The following CUL1 variants were observed in gnomAD, a reference collection of about 807,000 sequenced individuals.
The protein encoded by CUL1 is cullin-1.
In CUL1, 24 loss-of-function variants were observed where a neutral mutation model predicts 118.0. That is an observed-to-expected ratio of 0.20 (90% confidence interval 0.15 to 0.29). CUL1 has a LOEUF of 0.29. Among genes scored for constraint, CUL1 ranks in the 10% least tolerant of loss-of-function variants. The probability of loss-of-function intolerance (pLI) is 1.00; values close to 1 mark genes in which losing one functional copy is unlikely to be tolerated. For missense variants in CUL1, 361 were observed against 933.8 expected, an observed-to-expected ratio of 0.39 and a Z score of 7.99; for synonymous variants, 332 against 340.4, an observed-to-expected ratio of 0.98 and a Z score of 0.27.
In CUL1 at chr7:148,786,729, TA is replaced by T. The variant is rs1182990745; in HGVS notation, c.1347+131del. ...TGATTTTATTTTGAATCTCTGGTTTTACTTCCTAAATTGAGTTACTACTTTT... is the reference window on the plus strand; with the variant it reads ...TGATTTTATTTTGAATCTCTGGTTTTCTTCCTAAATTGAGTTACTACTTTT... On this transcript the variant is annotated intron_variant, in intron 12 of 21. Transcript: ENST00000325222. 7.9e-6 allele frequency: 7 copies of T among 880,878 alleles called. No homozygotes were observed. The African/African-American group carries it at 1.2e-4, about 15-fold the overall frequency. The allele number at this position is 880,878 out of a possible 1,614,324, so 54.6% of individuals were successfully genotyped here. A position where few individuals can be genotyped will look rare whatever the true frequency, so the allele number is the denominator to read the frequency against.
intron 2 of CUL1, among the ~76,000 whole-genome samples, chr7:148,745,870 C>T (rs1022128275): frequency 2.6e-5 from 4 of 152,052 alleles, no homozygotes; most frequent in Admixed American, 2.6e-4. Flanking sequence ...TTCATCTCTT[C>T]AATTTAGATA....
At chr7:148,710,857 C>T (rs1373954464) in intron 1 of CUL1, among the ~76,000 whole-genome samples, 4 of 151,788 alleles carry the variant, frequency 2.6e-5, no homozygotes, top group South Asian at 2.1e-4. Flanking sequence ...TTAGTAGGGA[C>T]GGGTTTCACC....
Position 148,733,149 on chromosome 7 carries a change from ACT to A in CUL1, c.140+2890_140+2891del, listed in dbSNP as rs1318520892. On this transcript the variant is annotated intron_variant, in intron 2 of 21. Coordinates refer to ENST00000325222, the MANE Select transcript of CUL1 (RefSeq NM_003592.3). ...TCTGACTCTAGAATTGCCTTTAGAC[ACT>A]CTATGTAGTCTTCAGCTACTGTATT... Among the ~76,000 whole-genome samples, 16 of 152,162 alleles carry A rather than the reference ACT, an allele frequency of 1.1e-4. No homozygotes were observed. The East Asian group carries it at 2.9e-3, about 28-fold the overall frequency.
chr7:148,725,219 G>GCGCACACACACACACACACACACACA, intron 1 of CUL1, among the ~76,000 whole-genome samples: 117 of 140,142 alleles, frequency 8.3e-4, no homozygotes, highest in East Asian at 2.4e-3. Flanking sequence ...ACACGCGCGC[G>GCGCACACACACACACACACACACACA]CTCACACACA....
At chr7:148,749,248 C>T (rs1342230922) in intron 2 of CUL1, among the ~76,000 whole-genome samples, 1 of 151,580 alleles carries the variant, frequency 6.6e-6, no homozygotes, top group African/African-American at 2.4e-5. Flanking sequence ...GAAACCCCGT[C>T]TCTACTAAAA....
rs1798893812 is a variant in CUL1, at chr7:148,735,051, C to T, written c.140+4789C>T. On this transcript the variant is annotated intron_variant, in intron 2 of 21. Transcript: ENST00000325222. The stretch of plus-strand genomic sequence containing the variant: ...CCAGTCTTCTTTTCCCCCACTAGCA[C>T]CGTAAGAATCTCATTCATATTTGAG... 2.0e-5 allele frequency among the ~76,000 whole-genome samples: 3 copies of T among 152,120 alleles called. No individual in the cohort carries two copies. The South Asian group carries it at 6.2e-4, about 32-fold the overall frequency.
At chr7:148,701,717 A>G (rs1336889372) in intron 1 of CUL1, among the ~76,000 whole-genome samples, 20 of 152,352 alleles carry the variant, frequency 1.3e-4, no homozygotes, top group Non-Finnish European at 1.8e-4. Context: ...TGTCATTCCC[A>G]GTATACCCAG....
chr7:148,780,123 A>C (rs1800573068), intron 9 of CUL1, among the ~76,000 whole-genome samples: 1 of 152,104 alleles, frequency 6.6e-6, no homozygotes, highest in Non-Finnish European at 1.5e-5. Context: ...GTATATATAT[A>C]TATCTCCTGT....
intron 9 of CUL1, among the ~76,000 whole-genome samples, chr7:148,768,846 G>A (rs1048609425): frequency 2.0e-5 from 3 of 151,768 alleles, no homozygotes; most frequent in Middle Eastern, 3.4e-3. Context: ...CTTCTTTTCC[G>A]TGTTTAATTT....
intron 4 of CUL1, among the ~76,000 whole-genome samples, chr7:148,757,887 C>T (rs1370954717): frequency 6.6e-6 from 1 of 152,186 alleles, no homozygotes; most frequent in Non-Finnish European, 1.5e-5. Context: ...CTATTCACTA[C>T]TATGAGAACA....
At position 148,729,205 on chromosome 7, in the gene CUL1, A is replaced by C. The variant is rs547942803; in HGVS notation, c.-161-757A>C. 3.3e-4 allele frequency among the ~76,000 whole-genome samples: 50 copies of C among 152,370 alleles called. 1 individual carries two copies. The South Asian group carries it at 0.01, about 31-fold the overall frequency. ...CTTCATATACTTGGAAATAATAGCC[A>C]CTACCATTGTTAAGCATTTACTCTG... On this transcript the variant is annotated intron_variant, in intron 1 of 21. Transcript: ENST00000325222.
chr7:148,763,095 C>T (rs1438990533), intron 7 of CUL1, among the ~76,000 whole-genome samples: 9 of 151,708 alleles, frequency 5.9e-5, no homozygotes, highest in Admixed American at 4.6e-4. Flanking sequence ...TGCAGTGAGC[C>T]GAGATCGCGC....
At chr7:148,742,385 A>G (rs1281572522) in intron 2 of CUL1, among the ~76,000 whole-genome samples, 1 of 152,140 alleles carries the variant, frequency 6.6e-6, no homozygotes, top group African/African-American at 2.4e-5. Flanking sequence ...ACTCCCATTT[A>G]TAAAACCATC....
At chr7:148,727,661 A>T (rs1454953232) in intron 1 of CUL1, among the ~76,000 whole-genome samples, 1 of 152,112 alleles carries the variant, frequency 6.6e-6, no homozygotes, top group Non-Finnish European at 1.5e-5. Flanking sequence ...CTTTGAAAGT[A>T]TGACTGGAAG....
intron 2 of CUL1, among the ~76,000 whole-genome samples, chr7:148,749,665 A>G (rs1257594392): frequency 6.6e-6 from 1 of 152,076 alleles, no homozygotes; most frequent in Non-Finnish European, 1.5e-5. Flanking sequence ...ACTCCCTGAG[A>G]CACAACAATC....
intron 21 of CUL1, among the ~76,000 whole-genome samples, chr7:148,799,647 C>G (rs1166666920): frequency 6.6e-6 from 1 of 152,142 alleles, no homozygotes; most frequent in Non-Finnish European, 1.5e-5. Context: ...GAAACATGCC[C>G]GGCATCCCGG....
At chr7:148,717,118 G>A (rs1798238984) in intron 1 of CUL1, among the ~76,000 whole-genome samples, 1 of 152,154 alleles carries the variant, frequency 6.6e-6, no homozygotes, top group Non-Finnish European at 1.5e-5. Flanking sequence ...GGAGTGCAGT[G>A]GGGTGATCTC....
At chr7:148,795,082 C>G (rs189137912) in intron 17 of CUL1, among the ~76,000 whole-genome samples, 1 of 152,294 alleles carries the variant, frequency 6.6e-6, no homozygotes, top group Admixed American at 6.5e-5. Flanking sequence ...ATCTGCCTGC[C>G]TCGGCCTCCC....
In CUL1 at chr7:148,730,066, C is replaced by G; in HGVS notation, c.-57C>G. 2 of 1,560,526 alleles carry G rather than the reference C, an allele frequency of 1.3e-6. No individual in the cohort carries two copies. Among genetic ancestry groups the G allele is most frequent in the Non-Finnish European group, 1.7e-6 (2 of 1,150,780 alleles). On this transcript the variant is annotated 5_prime_UTR_variant, in exon 2 of 22. Coordinates refer to ENST00000325222, the MANE Select transcript of CUL1 (RefSeq NM_003592.3). ...CTGTATATTTTCATCTAATGGAGAACTAGCTGTACTTTGAATAAGGATTGC... is the reference window on the plus strand; with the variant it reads ...CTGTATATTTTCATCTAATGGAGAAGTAGCTGTACTTTGAATAAGGATTGC...
Sources: allele counts gnomAD v4.1 joint callset (sites outside exome capture counted in the v4.1 genomes callset), GRCh38; gene constraint gnomAD v4.1.1; transcripts MANE v1.5; gene names NCBI Gene and HGNC (gene_info 2026-07-23, HGNC 2026-07-21).